The following TBCK variants were observed in gnomAD, a reference collection of about 807,000 sequenced individuals.
The protein encoded by TBCK is TBC1 domain containing kinase.
In TBCK, 99 loss-of-function variants were observed where a neutral mutation model predicts 113.4. The observed-to-expected ratio is 0.87, with a 90% confidence interval of 0.74 to 1.03. The LOEUF (loss-of-function observed/expected upper bound fraction) is 1.03, where lower values mean the gene tolerates loss of function less well. TBCK is among the 50% of genes least tolerant of loss of function. The pLI is 0.00. For missense variants in TBCK, 1,045 were observed against 1,061.3 expected, an observed-to-expected ratio of 0.98 and a Z score of 0.21; for synonymous variants, 369 against 370.8, an observed-to-expected ratio of 1.00 and a Z score of 0.05.
intron 12 of TBCK, 139 bp from the exon 13 acceptor site, chr4:106,236,947 G>A: frequency 2.3e-6 from 1 of 433,954 alleles, no homozygotes; most frequent in Non-Finnish European, 4.0e-6. Context: ...CTAAAAATCA[G>A]TTCTTACCAT....
chr4:106,058,106 C>T (rs2149455749), intron 25 of TBCK, among the ~76,000 whole-genome samples: 1 of 151,808 alleles, frequency 6.6e-6, no homozygotes, highest in East Asian at 1.9e-4. Flanking sequence ...TGAGTGTTTT[C>T]TATTTGAAAG....
At chr4:106,050,064 G>A (rs1734641286) in intron 25 of TBCK, among the ~76,000 whole-genome samples, 1 of 151,986 alleles carries the variant, frequency 6.6e-6, no homozygotes, top group Admixed American at 6.6e-5. Context: ...TTGTAGGGCT[G>A]AAATTTGTGA....
At chr4:106,225,483 G>A (rs961378976) in intron 19 of TBCK, among the ~76,000 whole-genome samples, 5 of 151,720 alleles carry the variant, frequency 3.3e-5, no homozygotes, top group Non-Finnish European at 5.9e-5. Flanking sequence ...TTTTTGAGAC[G>A]GAGTCTCGCT....
At chr4:106,265,477 T>C (rs1243723691) in intron 3 of TBCK, among the ~76,000 whole-genome samples, 1 of 151,740 alleles carries the variant, frequency 6.6e-6, no homozygotes, top group African/African-American at 2.4e-5. Flanking sequence ...GCATAATCTT[T>C]AGTCCTATCT....
chr4:106,042,095 A>C lies in TBCK; in HGVS notation c.*4475T>G, dbSNP rs919529913. 2 of 152,226 alleles carry C rather than the reference A, an allele frequency of 1.3e-5. No individual in the cohort carries two copies. Among genetic ancestry groups the C allele is most frequent in the Admixed American group, 6.5e-5 (1 of 15,278 alleles). 9.4% of individuals were successfully genotyped at this position (152,226 alleles called of 1,614,324 possible). A position where few individuals can be genotyped will look rare whatever the true frequency, so the allele number is the denominator to read the frequency against. Reference sequence around the variant, plus strand: ...ATAAAATTGAAGTTGGTAGCTGTGAAGAGGGTTTGGTCTTGACATTGAACA... The same window carrying C: ...ATAAAATTGAAGTTGGTAGCTGTGACGAGGGTTTGGTCTTGACATTGAACA... On this transcript the variant is annotated 3_prime_UTR_variant, in exon 26 of 26. Coordinates refer to ENST00000394708, the MANE Select transcript of TBCK (RefSeq NM_001163435.3).
chr4:106,269,691 T>C (rs1763301102), intron 3 of TBCK, among the ~76,000 whole-genome samples: 1 of 152,200 alleles, frequency 6.6e-6, no homozygotes, highest in Admixed American at 6.5e-5. Context: ...CATCTGACTT[T>C]CAGTTGTGAG....
intron 20 of TBCK, among the ~76,000 whole-genome samples, chr4:106,196,744 A>C (rs1467186345): frequency 6.6e-6 from 1 of 152,176 alleles, no homozygotes; most frequent in Non-Finnish European, 1.5e-5. Context: ...TGTTCATTTA[A>C]ATTTAAATTA....
intron 25 of TBCK, among the ~76,000 whole-genome samples, chr4:106,068,151 ATTT>A (rs1353605061): frequency 6.6e-6 from 1 of 151,432 alleles, no homozygotes; most frequent in East Asian, 1.9e-4. Context: ...TTTTTATTTT[ATTT>A]TTTATTTTTT....
intron 23 of TBCK, among the ~76,000 whole-genome samples, chr4:106,161,126 T>C (rs1749737270): frequency 6.6e-6 from 1 of 152,012 alleles, no homozygotes; most frequent in Non-Finnish European, 1.5e-5. Context: ...ATGGTGGTGA[T>C]GGTTGCACAA....
chr4:106,270,598 GA>G (rs1763389012), intron 3 of TBCK, among the ~76,000 whole-genome samples: 1 of 151,902 alleles, frequency 6.6e-6, no homozygotes, highest in South Asian at 2.1e-4. Context: ...ATTGCCATGT[GA>G]AAAAAAGAGA....
At position 106,137,071 on chromosome 4, in the gene TBCK, A is replaced by G. The variant is rs1320178530; in HGVS notation, c.2236-20693T>C. Among the ~76,000 whole-genome samples the G allele has an allele frequency of 2.1e-5, 3 of 140,700 alleles. No homozygotes were observed. The East Asian group carries it at 6.1e-4, about 29-fold the overall frequency. 92.3% of individuals were successfully genotyped at this position (140,700 alleles called of 152,430 possible). ...AGATATGTTTAAATCTAGATATGTG[A>G]AACTGAGATGGTACAGTGACACTTG... On this transcript the variant is annotated intron_variant, in intron 23 of 25. Transcript: ENST00000394708.
At position 106,043,754 on chromosome 4, in the gene TBCK, TG is replaced by T. The variant is rs1733990212; in HGVS notation, c.*2815del. 1 of 152,048 alleles carries T rather than the reference TG, an allele frequency of 6.6e-6. No individual in the cohort carries two copies. The highest frequency in any genetic ancestry group is 1.5e-5 in the Non-Finnish European group (1 of 68,054). The allele number at this position is 152,048 out of a possible 1,614,324, so 9.4% of individuals were successfully genotyped here. On this transcript the variant is annotated 3_prime_UTR_variant, in exon 26 of 26. Coordinates refer to ENST00000394708, the MANE Select transcript of TBCK (RefSeq NM_001163435.3). The stretch of plus-strand genomic sequence containing the variant: ...GAATGTGAGTGTGTGTGTGTGTGTG[TG>T]TGTATGTATATCTGTGTGGGCTGGT...
At chr4:106,264,668 A>G (rs1411774776) in intron 3 of TBCK, among the ~76,000 whole-genome samples, 1 of 152,002 alleles carries the variant, frequency 6.6e-6, no homozygotes, top group East Asian at 1.9e-4. Context: ...CTAGCTGTCA[A>G]GAGAAAATGT....
At chr4:106,212,341 G>C (rs72891662) in intron 20 of TBCK, among the ~76,000 whole-genome samples, 4,101 of 152,062 alleles carry the variant, frequency 0.027, 176 homozygotes, top group African/African-American at 0.094. Context: ...AGCTTGATGT[G>C]GACTACAGAG....
chr4:106,055,156 G>A (rs1377409911), intron 25 of TBCK, among the ~76,000 whole-genome samples: 3 of 151,588 alleles, frequency 2.0e-5, no homozygotes, highest in Admixed American at 2.0e-4. Context: ...TCTACTCTTA[G>A]GCTCCATGCT....
intron 3 of TBCK, among the ~76,000 whole-genome samples, chr4:106,282,900 T>C (rs532366047): frequency 1.3e-5 from 2 of 152,190 alleles, no homozygotes; most frequent in Admixed American, 6.5e-5. Context: ...AGAAAACAGA[T>C]ACCTCAGTCC....
intron 19 of TBCK, among the ~76,000 whole-genome samples, chr4:106,221,840 T>C (rs1259550084): frequency 6.6e-6 from 1 of 151,982 alleles, no homozygotes; most frequent in Middle Eastern, 3.2e-3. Flanking sequence ...AGGAGAGAGA[T>C]GATTGAAAAC....
At chr4:106,082,186 A>G (rs12509366) in intron 25 of TBCK, among the ~76,000 whole-genome samples, 42,734 of 152,078 alleles carry the variant, frequency 0.28, 6,278 homozygotes, top group Middle Eastern at 0.34. Context: ...TAGCAAAGAC[A>G]TGGAGTCAAC....
rs142983418 is a variant in TBCK at position 106,287,981 on chromosome 4, C to T, written c.266+7113G>A. ...TGTTAAGCAATAACTAATTCATACT[C>T]TTTCTTCTAAAAACCAAAAAATTAA... is the stretch of plus-strand genomic sequence containing the variant. On this transcript the variant is annotated intron_variant, in intron 3 of 25. Transcript: ENST00000394708. Among the ~76,000 whole-genome samples the T allele has an allele frequency of 2.1e-3, 316 of 152,048 alleles. 1 individual carries two copies. The highest frequency in any genetic ancestry group is 7.3e-3 in the African/African-American group (301 of 41,484).
Sources: allele counts gnomAD v4.1 joint callset (sites outside exome capture counted in the v4.1 genomes callset), GRCh38; gene constraint gnomAD v4.1.1; transcripts MANE v1.5; gene names NCBI Gene and HGNC (gene_info 2026-07-23, HGNC 2026-07-21).